The following SHQ1 variants were observed in gnomAD, a reference collection of about 807,000 sequenced individuals.
SHQ1 encodes protein SHQ1 homolog.
In SHQ1, 49 loss-of-function variants were observed where a neutral mutation model predicts 53.8. That is an observed-to-expected ratio of 0.91 (90% CI 0.72 to 1.16). SHQ1 has a LOEUF of 1.16. Ranked by LOEUF, SHQ1 falls within the 50% of genes most tolerant of loss-of-function variation. The pLI is 0.00. For synonymous variants in SHQ1, 243 were observed against 251.0 expected (o/e 0.97, Z 0.30); for missense variants, 738 against 683.1 (o/e 1.08, Z -0.90).
intron 5 of SHQ1, among the ~76,000 whole-genome samples, chr3:72,832,152 T>C (rs1006142125): frequency 6.6e-6 from 1 of 152,226 alleles, no homozygotes; most frequent in Non-Finnish European, 1.5e-5. Context: ...AGTTCTCTGT[T>C]GCTAAGATGA....
the SHQ1 span, among the ~76,000 whole-genome samples, chr3:72,729,600 A>G: frequency 6.6e-6 from 1 of 152,200 alleles, no homozygotes; most frequent in Non-Finnish European, 1.5e-5. Flanking sequence ...CACTAGGTCC[A>G]CTTTGTTCAT....
chr3:72,753,148 T>C (rs1705425121), intron 10 of SHQ1: 3 of 985,274 alleles, frequency 3.0e-6, no homozygotes, highest in Non-Finnish European at 3.6e-6. Context: ...ATGTGACAAC[T>C]GAAGAAAGGT....
the SHQ1 span, among the ~76,000 whole-genome samples, chr3:72,729,195 G>A: frequency 2.0e-5 from 3 of 152,192 alleles, no homozygotes; most frequent in Non-Finnish European, 4.4e-5. Context: ...AAATAGTCAC[G>A]GTTGCCCCTG....
intron 10 of SHQ1, among the ~76,000 whole-genome samples, chr3:72,768,060 A>C (rs1705769423): frequency 6.6e-6 from 1 of 152,188 alleles, no homozygotes; most frequent in African/African-American, 2.4e-5. Flanking sequence ...ACAAAAAAGC[A>C]GGGAATGCTG....
At chr3:72,738,839 C>T in the SHQ1 span, among the ~76,000 whole-genome samples, 2 of 152,234 alleles carry the variant, frequency 1.3e-5, no homozygotes, top group Admixed American at 1.3e-4. Flanking sequence ...CTCCTCCAGG[C>T]ACCTGCCCTG....
At chr3:72,728,392 TC>T in the SHQ1 span, among the ~76,000 whole-genome samples, 1 of 152,186 alleles carries the variant, frequency 6.6e-6, no homozygotes, top group Non-Finnish European at 1.5e-5. Context: ...CTCACCTGAC[TC>T]CTCTGAGGGG....
At chr3:72,825,592 C>T (rs1458076127) in intron 5 of SHQ1, among the ~76,000 whole-genome samples, 4 of 152,196 alleles carry the variant, frequency 2.6e-5, no homozygotes, top group African/African-American at 4.8e-5. Context: ...ACACCTCTCA[C>T]TCTTGGAGGA....
chr3:72,727,414 G>A, the SHQ1 span, among the ~76,000 whole-genome samples: 3 of 152,112 alleles, frequency 2.0e-5, no homozygotes, highest in Admixed American at 6.5e-5. Context: ...ATAAAAACAG[G>A]AAGGCAAGAA....
At chr3:72,823,148 C>CAAAA (rs772618429) in intron 6 of SHQ1, among the ~76,000 whole-genome samples, 9 of 76,264 alleles carry the variant, frequency 1.2e-4, no homozygotes, top group Non-Finnish European at 1.6e-4. Context: ...GACTCCGTCT[C>CAAAA]AAAAAAAAAA....
chr3:72,732,850 C>A, the SHQ1 span, among the ~76,000 whole-genome samples: 38 of 151,468 alleles, frequency 2.5e-4, no homozygotes, highest in African/African-American at 9.0e-4. Context: ...GGAAGAACCG[C>A]CCCCACTGAG....
chr3:72,750,197 A>C lies in SHQ1; in HGVS notation c.*87T>G. 8.3e-7 allele frequency: 1 copy of C among 1,206,678 alleles called. No homozygotes were observed. Among genetic ancestry groups the C allele is most frequent in the Non-Finnish European group, 1.2e-6 (1 of 855,142 alleles). 74.7% of individuals were successfully genotyped at this position (1,206,678 alleles called of 1,614,324 possible). On this transcript the variant is annotated 3_prime_UTR_variant, in exon 11 of 11. Coordinates refer to ENST00000325599, the MANE Select transcript of SHQ1 (RefSeq NM_018130.3). ...GTGGGCTGACTATATACTAAGAAAAATTACAAAGTGAAAATGAAGAATTCT... is the reference window on the plus strand; with the variant it reads ...GTGGGCTGACTATATACTAAGAAAACTTACAAAGTGAAAATGAAGAATTCT...
intron 4 of SHQ1, among the ~76,000 whole-genome samples, chr3:72,840,265 A>AAAAAAAAAAAAAAG: frequency 7.0e-6 from 1 of 143,554 alleles, no homozygotes; most frequent in African/African-American, 2.7e-5. Flanking sequence ...AAAAAAAAAA[A>AAAAAAAAAAAAAAG]GAATAAATAA....
At chr3:72,732,278 G>C in the SHQ1 span, among the ~76,000 whole-genome samples, 2 of 151,156 alleles carry the variant, frequency 1.3e-5, no homozygotes, top group Non-Finnish European at 2.9e-5. Flanking sequence ...GGCATTGTTT[G>C]AGACTCAGCA....
chr3:72,772,875 CA>C, intron 10 of SHQ1: 2 of 782,380 alleles, frequency 2.6e-6, no homozygotes, highest in Non-Finnish European at 4.7e-6. Context: ...AAGCTGTGGA[CA>C]AATCTGAATT....
intron 1 of SHQ1, chr3:72,846,190 T>C (rs1708322889): frequency 6.5e-7 from 1 of 1,533,518 alleles, no homozygotes; most frequent in Middle Eastern, 1.7e-4. Flanking sequence ...AAATTCTTAC[T>C]GCAGAGAAAA....
the SHQ1 span, among the ~76,000 whole-genome samples, chr3:72,732,948 C>A: frequency 6.6e-6 from 1 of 151,634 alleles, no homozygotes; most frequent in African/African-American, 2.4e-5. Flanking sequence ...ATAATTCACA[C>A]CCTCAGAAAG....
rs1707779502 is a variant in SHQ1 at position 72,830,092 on chromosome 3, T to C, written c.599+2277A>G. On this transcript the variant is annotated intron_variant, in intron 5 of 10. Coordinates refer to ENST00000325599, the MANE Select transcript of SHQ1 (RefSeq NM_018130.3). Reference sequence around the variant, plus strand: ...ATCATCTGTTACATGCCCAGCACTATAGTGAGCTGCAAAACATGCCAAAAA... The same window carrying C: ...ATCATCTGTTACATGCCCAGCACTACAGTGAGCTGCAAAACATGCCAAAAA... Among the ~76,000 whole-genome samples, 4 of 147,480 alleles carry C rather than the reference T, an allele frequency of 2.7e-5. No individual in the cohort carries two copies. The South Asian group carries it at 8.5e-4, about 31-fold the overall frequency.
intron 6 of SHQ1, among the ~76,000 whole-genome samples, chr3:72,823,717 GAATAT>G (rs1182543504): frequency 6.6e-6 from 1 of 152,126 alleles, no homozygotes; most frequent in African/African-American, 2.4e-5. Flanking sequence ...TTAGATGTGG[GAATAT>G]ATATTTTTAA....
downstream of SHQ1, among the ~76,000 whole-genome samples, chr3:72,747,159 C>T (rs1221745296): frequency 2.0e-5 from 3 of 152,198 alleles, no homozygotes; most frequent in African/African-American, 4.8e-5. Context: ...TTCATTTCCT[C>T]CTCAAAGCAA....
Sources: gnomAD v4.1 joint callset for allele counts (sites outside exome capture counted in the v4.1 genomes callset) on GRCh38, gnomAD v4.1.1 for gene constraint, MANE v1.5 for transcripts, NCBI Gene and HGNC (gene_info 2026-07-23, HGNC 2026-07-21) for gene names.